PITPNC1: variants seen among roughly 807,000 people sequenced by gnomAD.
PITPNC1 encodes cytoplasmic phosphatidylinositol transfer protein 1.
PITPNC1 carries 18 observed loss-of-function variants against 44.7 expected under a neutral mutation model. The observed-to-expected ratio is 0.40, with a 90% CI of 0.28 to 0.60. The LOEUF is 0.60. PITPNC1 is among the 20% of genes least tolerant of loss of function. The pLI, the probability that PITPNC1 is intolerant of heterozygous loss-of-function variation, is 0.39. For missense variants in PITPNC1, 290 were observed against 418.4 expected, an observed-to-expected ratio of 0.69 and a Z score of 2.68; for synonymous variants, 141 against 149.6, an observed-to-expected ratio of 0.94 and a Z score of 0.42.
At chr17:67,426,596 C>A (rs557794622) in intron 1 of PITPNC1, among the ~76,000 whole-genome samples, 5 of 132,170 alleles carry the variant, frequency 3.8e-5, no homozygotes, top group Non-Finnish European at 8.0e-5. Context: ...CAACACACAC[C>A]GGGGCCTGTT....
intron 4 of PITPNC1, among the ~76,000 whole-genome samples, chr17:67,556,285 G>A (rs2040837532): frequency 6.6e-6 from 1 of 152,190 alleles, no homozygotes; most frequent in African/African-American, 2.4e-5. Context: ...CAGCACTCAA[G>A]GAGGTTACTC....
chr17:67,425,203 GCACA>G lies in PITPNC1; in HGVS notation c.48+47058_48+47061del, dbSNP rs60705271. Among the ~76,000 whole-genome samples the G allele has an allele frequency of 7.7e-3, 764 of 98,796 alleles. 49 individuals carry two copies. Among genetic ancestry groups the G allele is most frequent in the Middle Eastern group, 0.021 (4 of 190 alleles). 64.8% of individuals were successfully genotyped at this position (98,796 alleles called of 152,430 possible). On this transcript the variant is annotated intron_variant, in intron 1 of 8. Coordinates refer to ENST00000581322, the MANE Select transcript of PITPNC1 (RefSeq NM_012417.4). ...CCATGTTGTGCGCGCGCACGCACACGCACACACACACACACACACACACACACAC... is the reference window on the plus strand; with the variant it reads ...CCATGTTGTGCGCGCGCACGCACACGCACACACACACACACACACACACAC...
intron 1 of PITPNC1, among the ~76,000 whole-genome samples, chr17:67,437,761 CAAAT>C (rs2038957223): frequency 2.0e-5 from 3 of 152,098 alleles, no homozygotes; most frequent in Non-Finnish European, 4.4e-5. Context: ...AACGAATGAA[CAAAT>C]GAATGAATGA....
chr17:67,614,578 A>G (rs571044767), intron 5 of PITPNC1, among the ~76,000 whole-genome samples: 2 of 151,496 alleles, frequency 1.3e-5, no homozygotes, highest in African/African-American at 4.8e-5. Context: ...AGGCTGAGGG[A>G]GGAGAATCGC....
intron 4 of PITPNC1, among the ~76,000 whole-genome samples, chr17:67,558,413 T>C (rs1472972865): frequency 6.6e-6 from 1 of 151,682 alleles, no homozygotes; most frequent in Non-Finnish European, 1.5e-5. Flanking sequence ...CAAAGAAAGG[T>C]GCCTGAGGAG....
intron 2 of PITPNC1, among the ~76,000 whole-genome samples, chr17:67,549,960 G>A (rs184503617): frequency 4.1e-4 from 62 of 152,252 alleles, no homozygotes; most frequent in African/African-American, 1.5e-3. Flanking sequence ...TTGCGCTAGG[G>A]TGTGGGGGCA....
chr17:67,480,657 G>A (rs1050981808), intron 1 of PITPNC1, among the ~76,000 whole-genome samples: 1 of 151,646 alleles, frequency 6.6e-6, no homozygotes, highest in Admixed American at 6.6e-5. Context: ...TTTTTTTGTA[G>A]GCATAGGGAA....
At chr17:67,549,265 T>C (rs913973926) in intron 2 of PITPNC1, among the ~76,000 whole-genome samples, 1 of 152,008 alleles carries the variant, frequency 6.6e-6, no homozygotes, top group African/African-American at 2.4e-5. Flanking sequence ...ACCAGCCTGG[T>C]CAACATGGCG....
chr17:67,578,337 C>T (rs1393406045), intron 5 of PITPNC1, 80 bp downstream of exon 5: 1 of 948,998 alleles, frequency 1.1e-6, no homozygotes, highest in Admixed American at 1.8e-5. Context: ...CCTCTGTGAC[C>T]AGGGCCAGCA....
Position 67,378,198 on chromosome 17 carries a change from A to C in PITPNC1, c.44A>C (p.Asp15Ala). ...EYRICMPLTV[D>A]EYKIGQLYMI... is the part of the protein sequence containing the mutation. Reference sequence around the variant, plus strand: ...CGGATCTGCATGCCGCTCACCGTAGACGAGGTAAGCGCCGCGCCCGGCCCG... The same window carrying C: ...CGGATCTGCATGCCGCTCACCGTAGCCGAGGTAAGCGCCGCGCCCGGCCCG... Residue 15 changes from aspartate to alanine, a missense_variant, in exon 1 of 9, where the codon GAC (aspartate) becomes GCC (alanine). Transcript: ENST00000581322. 2 of 1,540,376 alleles carry C rather than the reference A, an allele frequency of 1.3e-6. No individual in the cohort carries two copies. The highest frequency in any genetic ancestry group is 1.7e-6 in the Non-Finnish European group (2 of 1,147,462).
chr17:67,692,809 C>T lies in PITPNC1; in HGVS notation c.920C>T (p.Pro307Leu), dbSNP rs768852679. 4.3e-6 allele frequency: 7 copies of T among 1,613,764 alleles called. No homozygotes were observed. Among genetic ancestry groups the T allele is most frequent in the East Asian group, 2.2e-5 (1 of 44,882 alleles). The change falls in exon 9 of 9, where the codon CCA becomes CTA. Residue 307 changes from proline (P) to leucine (L), a missense_variant. Coordinates refer to ENST00000581322, the MANE Select transcript of PITPNC1 (RefSeq NM_012417.4). Reference protein sequence around the residue: ...KKSAPETLTLPDPEKKATLNL... With the variant: ...KKSAPETLTLLDPEKKATLNL... ...TCTGCCCCAGAAACTCTCACACTTC[C>T]AGACCCTGAGAAAAAAGCCACCCTG...
At chr17:67,635,418 C>T (rs1017418695) in intron 6 of PITPNC1, among the ~76,000 whole-genome samples, 3 of 152,056 alleles carry the variant, frequency 2.0e-5, no homozygotes, top group Non-Finnish European at 4.4e-5. Flanking sequence ...GGGGGTGCTG[C>T]TTACTGAAAT....
intron 6 of PITPNC1, among the ~76,000 whole-genome samples, chr17:67,652,095 TTTAGCA>T (rs1302929548): frequency 6.6e-6 from 1 of 152,242 alleles, no homozygotes; most frequent in Non-Finnish European, 1.5e-5. Flanking sequence ...CCTTTTTTCA[TTTAGCA>T]TTTATCAAAA....
chr17:67,614,283 T>A (rs1056098522), intron 5 of PITPNC1, among the ~76,000 whole-genome samples: 1 of 151,828 alleles, frequency 6.6e-6, no homozygotes, highest in African/African-American at 2.4e-5. Context: ...TATTACGGAA[T>A]CACAGATGAG....
chr17:67,629,236 T>TTGTGTGTGTGTG (rs1231017107), intron 5 of PITPNC1, among the ~76,000 whole-genome samples: 3 of 5,726 alleles, frequency 5.2e-4, no homozygotes, highest in Non-Finnish European at 8.4e-4. Context: ...CTCTGGGGTA[T>TTGTGTGTGTGTG]TCTGTGTGTG....
At chr17:67,402,229 A>G (rs1280142634) in intron 1 of PITPNC1, among the ~76,000 whole-genome samples, 1 of 152,238 alleles carries the variant, frequency 6.6e-6, no homozygotes, top group African/African-American at 2.4e-5. Flanking sequence ...AAATTTTCAC[A>G]TGCCACGAAA....
At chr17:67,511,965 T>A (rs2040189623) in intron 1 of PITPNC1, among the ~76,000 whole-genome samples, 1 of 152,242 alleles carries the variant, frequency 6.6e-6, no homozygotes, top group Non-Finnish European at 1.5e-5. Flanking sequence ...CCATTTGTAT[T>A]TCTTCTCTAA....
chr17:67,441,120 G>A (rs758491930), intron 1 of PITPNC1, among the ~76,000 whole-genome samples: 1 of 152,050 alleles, frequency 6.6e-6, no homozygotes, highest in Non-Finnish European at 1.5e-5. Flanking sequence ...TCAAACATCC[G>A]CTCAACTGCT....
chr17:67,478,728 A>G (rs925389354), intron 1 of PITPNC1, among the ~76,000 whole-genome samples: 1 of 152,008 alleles, frequency 6.6e-6, no homozygotes, highest in African/African-American at 2.4e-5. Flanking sequence ...AAGCGTTGGG[A>G]GGTCTCTGAG....
Sources: gnomAD v4.1 joint callset for allele counts (sites outside exome capture counted in the v4.1 genomes callset) on GRCh38, gnomAD v4.1.1 for gene constraint, MANE v1.5 for transcripts, NCBI Gene and HGNC (gene_info 2026-07-23, HGNC 2026-07-21) for gene names.